The following TRAPPC9 variants were observed in gnomAD, a reference collection of about 807,000 sequenced individuals.
TRAPPC9 encodes IKK2 binding protein.
Under a neutral mutation model 124.0 loss-of-function variants are expected in TRAPPC9, and 83 were observed. The observed-to-expected ratio is 0.67, with a 90% CI of 0.56 to 0.80. The LOEUF is 0.80. TRAPPC9 is among the 30% of genes least tolerant of loss of function. The pLI is 0.00. For synonymous variants in TRAPPC9, 638 were observed against 617.5 expected (o/e 1.03, Z -0.49); for missense variants, 1,302 against 1,508.3 (o/e 0.86, Z 2.27).
chr8:139,947,710 A>G (rs574449334), intron 19 of TRAPPC9, among the ~76,000 whole-genome samples: 13 of 150,082 alleles, frequency 8.7e-5, no homozygotes, highest in Admixed American at 8.0e-4. Flanking sequence ...AAATAAAAAT[A>G]AAAAAAAATT....
rs1472761476 is a variant in TRAPPC9, at chr8:139,788,479, T to A, written c.3056-56277A>T. Among the ~76,000 whole-genome samples, 2 of 152,152 alleles carry A rather than the reference T, an allele frequency of 1.3e-5. No homozygotes were observed. The highest frequency in any genetic ancestry group is 4.8e-5 in the African/African-American group (2 of 41,432). Reference sequence around the variant, plus strand: ...AGGATCCCAGCCTGGCCCTTCCTGGTGCCAGCACCCTCCAGGCACAGCCAG... The same window carrying A: ...AGGATCCCAGCCTGGCCCTTCCTGGAGCCAGCACCCTCCAGGCACAGCCAG... On this transcript the variant is annotated intron_variant, in intron 21 of 22. Transcript: ENST00000438773. This position sits in a 1 kb window ranked among gnomAD's most constrained non-coding sequence, Gnocchi z 4.9.
intron 21 of TRAPPC9, among the ~76,000 whole-genome samples, chr8:139,784,630 T>C (rs893507688): frequency 2.8e-4 from 40 of 142,924 alleles, no homozygotes; most frequent in Non-Finnish European, 5.5e-4. Context: ...TATATATATA[T>C]ATATATATAT....
chr8:140,196,096 T>C lies in TRAPPC9; in HGVS notation c.2556+25363A>G, dbSNP rs370746404. On this transcript the variant is annotated intron_variant, in intron 17 of 22. Transcript: ENST00000438773. Reference sequence around the variant, plus strand: ...ACACCTGTGATACTAAAACACTCAATGATCCACACCATACAGATCACACCT... The same window carrying C: ...ACACCTGTGATACTAAAACACTCAACGATCCACACCATACAGATCACACCT... 6.5e-4 allele frequency among the ~76,000 whole-genome samples: 95 copies of C among 145,470 alleles called. 3 individuals carry two copies. The highest frequency in any genetic ancestry group is 8.4e-4 in the African/African-American group (32 of 37,940).
chr8:140,282,183 C>T (rs2065343636), intron 14 of TRAPPC9, among the ~76,000 whole-genome samples: 2 of 152,074 alleles, frequency 1.3e-5, no homozygotes, highest in South Asian at 4.1e-4. Flanking sequence ...AAAAGGATAT[C>T]CATTAAGTGT....
intron 20 of TRAPPC9, among the ~76,000 whole-genome samples, chr8:139,903,663 A>G (rs895972679): frequency 1.1e-4 from 16 of 151,852 alleles, no homozygotes; most frequent in East Asian, 1.9e-4. Context: ...CCTTTCACAC[A>G]CTCATCACGG....
At chr8:140,351,883 A>G (rs2132126985) in intron 9 of TRAPPC9, among the ~76,000 whole-genome samples, 1 of 152,314 alleles carries the variant, frequency 6.6e-6, no homozygotes, top group South Asian at 2.1e-4. Context: ...TTGTTGAGAT[A>G]TAATTCACAT....
intron 7 of TRAPPC9, among the ~76,000 whole-genome samples, chr8:140,391,712 C>CA (rs1238939604): frequency 0.14 from 10,228 of 75,264 alleles, 893 homozygotes; most frequent in African/African-American, 0.31. Context: ...AACTCTGTCT[C>CA]AAAAAAAAAA....
intron 17 of TRAPPC9, among the ~76,000 whole-genome samples, chr8:140,171,178 T>C (rs117523850): frequency 0.021 from 3,176 of 152,314 alleles, 34 homozygotes; most frequent in South Asian, 0.035. Context: ...GGGTTGGGCA[T>C]TTCTGGATCT....
chr8:139,988,832 G>A lies in TRAPPC9; in HGVS notation c.2704C>T (p.Arg902Trp), dbSNP rs370626310. 103 of 1,547,636 alleles carry A rather than the reference G, an allele frequency of 6.7e-5. No individual in the cohort carries two copies. In the Admixed American group the frequency reaches 1.7e-3, roughly 26 times the overall value. ...ACATCCAGGAGCAGGTGACACTGCC[G>A]GGTACTGCGTTAAAGAAAAAAGAAA... Reference protein sequence around the residue: ...RVSTLPATSTRQCHLLLDVFN... With the variant: ...RVSTLPATSTWQCHLLLDVFN... The change falls in exon 19 of 23, where the codon CGG becomes TGG. Residue 902 changes from arginine to tryptophan, a missense_variant. By Grantham distance (101) the Arg-to-Trp change is moderately radical (BLOSUM62 -3). Around this residue, in one of 3 missense-constraint regions of TRAPPC9, gnomAD observed 640 missense variants for 679.3 expected, o/e 0.94. Transcript: ENST00000438773.
rs11292333 is a variant in TRAPPC9, at chr8:140,125,587, C to CTTTTTTTTTTTT, written c.2556+95860_2556+95871dup. Among the ~76,000 whole-genome samples, 182 of 67,812 alleles carry CTTTTTTTTTTTT rather than the reference C, an allele frequency of 2.7e-3. 11 individuals carry two copies. Among genetic ancestry groups the CTTTTTTTTTTTT allele is most frequent in the African/African-American group, 2.9e-3 (47 of 16,270 alleles). The allele number at this position is 67,812 out of a possible 152,430, so 44.5% of individuals were successfully genotyped here. A position where few individuals can be genotyped will look rare whatever the true frequency, so the allele number is the denominator to read the frequency against. Reference sequence around the variant, plus strand: ...GCATGTTCATTTATCGAATCTCATTCTTTTTTTTTTTTTTTTTTTTTTTTT... The same window carrying CTTTTTTTTTTTT: ...GCATGTTCATTTATCGAATCTCATTCTTTTTTTTTTTTTTTTTTTTTTTTTTTTTTTTTTTTT... On this transcript the variant is annotated intron_variant, in intron 17 of 22. Coordinates refer to ENST00000438773, the MANE Select transcript of TRAPPC9 (RefSeq NM_001160372.4).
In TRAPPC9 at chr8:140,434,518, A is replaced by T. The variant is rs184315687; in HGVS notation, c.859+594T>A. ...TGACCTCTGGGACTAGCTTCTCCTAATACATAAAATTATAAAAAAGACTTA... is the reference window on the plus strand; with the variant it reads ...TGACCTCTGGGACTAGCTTCTCCTATTACATAAAATTATAAAAAAGACTTA... On this transcript the variant is annotated intron_variant, in intron 4 of 22. Transcript: ENST00000438773. Among the ~76,000 whole-genome samples, 10 of 152,328 alleles carry T rather than the reference A, an allele frequency of 6.6e-5. No individual in the cohort carries two copies. The East Asian group carries it at 1.9e-3, about 29-fold the overall frequency.
intron 9 of TRAPPC9, among the ~76,000 whole-genome samples, chr8:140,349,840 A>C (rs1040233545): frequency 1.1e-4 from 17 of 152,206 alleles, no homozygotes; most frequent in Non-Finnish European, 1.9e-4. Flanking sequence ...ACGGGCTGCC[A>C]CCACGTCCAG....
chr8:140,187,519 A>G (rs2062379588), intron 17 of TRAPPC9, among the ~76,000 whole-genome samples: 1 of 152,218 alleles, frequency 6.6e-6, no homozygotes, highest in Non-Finnish European at 1.5e-5. Context: ...TGTCATTGAA[A>G]AAATTCCAGT....
intron 13 of TRAPPC9, among the ~76,000 whole-genome samples, chr8:140,286,512 G>A (rs948158002): frequency 3.9e-5 from 6 of 152,190 alleles, no homozygotes; most frequent in South Asian, 2.1e-4. Context: ...CTGCAAGACC[G>A]GAAGGGGCAG....
chr8:140,310,937 G>A (rs2066280140), intron 10 of TRAPPC9, among the ~76,000 whole-genome samples: 1 of 152,014 alleles, frequency 6.6e-6, no homozygotes, highest in African/African-American at 2.4e-5. Flanking sequence ...GATGTGATCA[G>A]ACTGGTTTCC....
At position 139,731,151 on chromosome 8, in the gene TRAPPC9, C is replaced by A. The variant is rs761128715; in HGVS notation, c.3357G>T (p.Arg1119=). 21 of 1,613,994 alleles carry A rather than the reference C, an allele frequency of 1.3e-5. No homozygotes were observed. The highest frequency in any genetic ancestry group is 1.8e-5 in the Non-Finnish European group (21 of 1,179,998). The change falls in exon 23 of 23, where the codon CGG becomes CGT. Residue 1119 remains arginine, a synonymous_variant. Coordinates refer to ENST00000438773, the MANE Select transcript of TRAPPC9 (RefSeq NM_001160372.4). Reference sequence around the variant, plus strand: ...CCTTGCTGGTGCTGTCCTCGTGGAACCGGATGTGGAGGAAGAAGTCTCCCG... The same window carrying A: ...CCTTGCTGGTGCTGTCCTCGTGGAAACGGATGTGGAGGAAGAAGTCTCCCG... ...LYTGDFFLHI[R]FHEDSTSKEL...
At chr8:140,395,480 T>C (rs2069063378) in intron 7 of TRAPPC9, among the ~76,000 whole-genome samples, 1 of 152,212 alleles carries the variant, frequency 6.6e-6, no homozygotes, top group African/African-American at 2.4e-5. Flanking sequence ...ATCCAGTCTG[T>C]GTGCTCAACT....
intron 6 of TRAPPC9, among the ~76,000 whole-genome samples, chr8:140,404,793 T>C (rs1040558282): frequency 6.6e-6 from 1 of 151,582 alleles, no homozygotes; most frequent in Non-Finnish European, 1.5e-5. Flanking sequence ...TGCTTGTATG[T>C]ATGTGTGTGT....
chr8:139,801,382 C>T (rs57135888), intron 21 of TRAPPC9, among the ~76,000 whole-genome samples: 3,507 of 152,306 alleles, frequency 0.023, 55 homozygotes, highest in African/African-American at 0.037. Context: ...GGAGCAAAGC[C>T]GCAGGCATCA....
Sources: allele counts gnomAD v4.1 joint callset (sites outside exome capture counted in the v4.1 genomes callset), GRCh38; gene constraint gnomAD v4.1.1; regional missense constraint gnomAD v4.1.1; non-coding constraint Gnocchi (gnomAD v3.1); transcripts MANE v1.5; gene names NCBI Gene and HGNC (gene_info 2026-07-23, HGNC 2026-07-21).